The following NAV3 variants were observed in gnomAD, a reference collection of about 807,000 sequenced individuals.
NAV3 encodes neuron navigator 3, also known as pore membrane and/or filament interacting like protein 1.
In NAV3, 87 loss-of-function variants were observed where a neutral mutation model predicts 244.7. The ratio of observed to expected loss-of-function variants is 0.36; its 90% CI spans 0.30 to 0.42. The LOEUF (loss-of-function observed/expected upper bound fraction) is 0.42. Ranked by LOEUF, NAV3 falls within the 20% of genes least tolerant of loss-of-function variation. The probability of loss-of-function intolerance (pLI) is 1.00; values close to 1 mark genes in which losing one functional copy is unlikely to be tolerated. For synonymous variants in NAV3, 1,126 were observed against 1,042.2 expected (o/e 1.08, Z -1.55); for missense variants, 2,663 against 2,893.3 (o/e 0.92, Z 1.83).
At chr12:78,026,775 G>A (rs901933812) in intron 9 of NAV3, among the ~76,000 whole-genome samples, 204 of 152,152 alleles carry the variant, frequency 1.3e-3, no homozygotes, top group African/African-American at 4.7e-3. Context: ...ACCAATGGAT[G>A]GTTAGTATAT....
chr12:77,682,595 CTGTACTAA>C (rs1415192393), intron 2 of NAV3, among the ~76,000 whole-genome samples: 1 of 152,128 alleles, frequency 6.6e-6, no homozygotes, highest in Non-Finnish European at 1.5e-5. Flanking sequence ...TCCATAGAGG[CTGTACTAA>C]TGTACATTCA....
chr12:77,967,306 A>AT (rs1892604829), intron 4 of NAV3, among the ~76,000 whole-genome samples: 2 of 152,102 alleles, frequency 1.3e-5, no homozygotes, highest in Admixed American at 6.6e-5. Context: ...TAAAACAATA[A>AT]TTTTTTAAAG....
At chr12:77,836,437 A>T (rs932364438) in intron 1 of NAV3, among the ~76,000 whole-genome samples, 4 of 152,114 alleles carry the variant, frequency 2.6e-5, no homozygotes, top group African/African-American at 9.7e-5. Context: ...ATTCTGTTTT[A>T]CATTATTATG....
At chr12:77,969,303 A>T (rs932660319) in intron 5 of NAV3, among the ~76,000 whole-genome samples, 6 of 152,004 alleles carry the variant, frequency 3.9e-5, no homozygotes, top group African/African-American at 1.2e-4. Flanking sequence ...TTCCATTATT[A>T]TTATTTTTTT....
intron 2 of NAV3, among the ~76,000 whole-genome samples, chr12:77,675,652 G>A (rs11106226): frequency 0.045 from 6,903 of 152,164 alleles, 268 homozygotes; most frequent in African/African-American, 0.1. Context: ...AATCCTCTTA[G>A]GTAAACATCA....
At chr12:78,167,218 G>T (rs1957815340) in intron 23 of NAV3, among the ~76,000 whole-genome samples, 1 of 151,704 alleles carries the variant, frequency 6.6e-6, no homozygotes, top group Non-Finnish European at 1.5e-5. Flanking sequence ...TCTGACTTTT[G>T]TCATGACACT....
chr12:77,766,826 T>G (rs1869799591), intron 2 of NAV3, among the ~76,000 whole-genome samples: 1 of 138,732 alleles, frequency 7.2e-6, no homozygotes, highest in South Asian at 2.4e-4. Context: ...TGATCTCGGC[T>G]CACTGAAACC....
At chr12:77,955,326 C>A (rs1338272536) in intron 3 of NAV3, among the ~76,000 whole-genome samples, 1 of 152,150 alleles carries the variant, frequency 6.6e-6, no homozygotes, top group Non-Finnish European at 1.5e-5. Context: ...CACATCCCCT[C>A]CTTCAGCAAA....
At chr12:77,874,780 A>G (rs1414580602) in intron 1 of NAV3, among the ~76,000 whole-genome samples, 1 of 152,196 alleles carries the variant, frequency 6.6e-6, no homozygotes, top group African/African-American at 2.4e-5. Flanking sequence ...AATGAGGTTA[A>G]TAATACCATC....
chr12:78,145,074 GCTTA>G (rs1268865257), intron 20 of NAV3: 2 of 306,462 alleles, frequency 6.5e-6, no homozygotes, highest in East Asian at 1.2e-4. Context: ...AATATTCCTT[GCTTA>G]CTTTTTATTC....
At chr12:77,638,236 C>A (rs926173702) in intron 2 of NAV3, among the ~76,000 whole-genome samples, 4 of 151,334 alleles carry the variant, frequency 2.6e-5, no homozygotes, top group African/African-American at 9.8e-5. Context: ...ATAATGCAGT[C>A]TCATTCTGGG....
At chr12:77,940,461 G>A (rs1196496641) in intron 2 of NAV3, 25 bp downstream of exon 2, 6 of 1,571,036 alleles carry the variant, frequency 3.8e-6, no homozygotes, top group Non-Finnish European at 5.2e-6. Flanking sequence ...CTGAAAGAAA[G>A]CATGAAAGTC....
intron 2 of NAV3, among the ~76,000 whole-genome samples, chr12:77,665,073 CT>C (rs1163355612): frequency 5.3e-5 from 8 of 152,160 alleles, no homozygotes; most frequent in Non-Finnish European, 1.2e-4. Flanking sequence ...CAAGTTTGTG[CT>C]ACTTCATTGT....
Position 77,842,463 on chromosome 12 carries a change from AC to A in NAV3, c.243+10761del, listed in dbSNP as rs544021720. On this transcript the variant is annotated intron_variant, in intron 1 of 39. Coordinates refer to ENST00000397909, the MANE Select transcript of NAV3 (RefSeq NM_001024383.2). ...TGGAAACTCTCTGTCAGAGCTGGGA[AC>A]CAGAAAGGCCAAGACTGTGTACGAT... Among the ~76,000 whole-genome samples the A allele has an allele frequency of 2.0e-5, 3 of 151,874 alleles. No homozygotes were observed. In the East Asian group the frequency reaches 5.8e-4, roughly 29 times the overall value.
chr12:77,596,978 C>T (rs2136749012), intron 2 of NAV3, among the ~76,000 whole-genome samples: 1 of 152,206 alleles, frequency 6.6e-6, no homozygotes, highest in African/African-American at 2.4e-5. Context: ...TTGAGTACTT[C>T]TATGTGCATC....
chr12:77,634,152 G>T (rs1253815541), intron 2 of NAV3, among the ~76,000 whole-genome samples: 1 of 150,336 alleles, frequency 6.7e-6, no homozygotes, highest in Non-Finnish European at 1.5e-5. Context: ...GAGTCCTTTG[G>T]GATTTTGAGA....
intron 4 of NAV3, 27 bp from the exon 5 acceptor site, chr12:77,968,492 T>C (rs2137986269): frequency 1.9e-6 from 3 of 1,561,400 alleles, no homozygotes; most frequent in Non-Finnish European, 2.6e-6. Context: ...CATATGATTC[T>C]TTTTTTGTAT....
At chr12:77,776,357 AT>A (rs1185683800) in intron 2 of NAV3, among the ~76,000 whole-genome samples, 1 of 152,238 alleles carries the variant, frequency 6.6e-6, no homozygotes, top group Non-Finnish European at 1.5e-5. Context: ...ATCTTTCTGT[AT>A]TTAACAGCTC....
chr12:78,049,682 A>AT (rs1368283849), intron 9 of NAV3, among the ~76,000 whole-genome samples: 1 of 152,150 alleles, frequency 6.6e-6, no homozygotes, highest in African/African-American at 2.4e-5. Flanking sequence ...ATAATCATAG[A>AT]TTTTTAATTG....
Sources: gnomAD v4.1 joint callset for allele counts (sites outside exome capture counted in the v4.1 genomes callset) on GRCh38, gnomAD v4.1.1 for gene constraint, MANE v1.5 for transcripts, NCBI Gene and HGNC (gene_info 2026-07-23, HGNC 2026-07-21) for gene names.